STAG1: variants seen among roughly 807,000 people sequenced by gnomAD.
STAG1 encodes the protein STAG1 cohesin complex component.
Under a neutral mutation model 170.9 loss-of-function variants are expected in STAG1, and 26 were observed. That is an observed-to-expected ratio of 0.15 (90% CI 0.11 to 0.21). The LOEUF (loss-of-function observed/expected upper bound fraction) is 0.21, where lower values mean the gene tolerates loss of function less well. Ranked by LOEUF, STAG1 falls within the 10% of genes least tolerant of loss-of-function variation. The pLI, the probability that STAG1 is intolerant of heterozygous loss-of-function variation, is 1.00. For synonymous variants in STAG1, 514 were observed against 497.7 expected (o/e 1.03, Z -0.44); for missense variants, 964 against 1,509.5 (o/e 0.64, Z 5.99).
intron 21 of STAG1, among the ~76,000 whole-genome samples, chr3:136,404,039 C>T (rs1328469549): frequency 6.6e-6 from 1 of 152,222 alleles, no homozygotes; most frequent in Non-Finnish European, 1.5e-5. Context: ...TCAAGCTTCA[C>T]TCTTAGCCAT....
intron 1 of STAG1, among the ~76,000 whole-genome samples, chr3:136,751,866 C>T (rs1404789200): frequency 9.3e-5 from 14 of 150,732 alleles, no homozygotes; most frequent in Non-Finnish European, 2.1e-4. Flanking sequence ...AAGGCTTCCG[C>T]GCCTGTCGCC....
intron 3 of STAG1, among the ~76,000 whole-genome samples, chr3:136,617,950 T>C (rs1026257400): frequency 6.6e-6 from 1 of 152,240 alleles, no homozygotes; most frequent in Admixed American, 6.5e-5. Context: ...CTTACCCTTC[T>C]GGTACTCATT....
At chr3:136,512,175 G>A (rs1934102955) in intron 7 of STAG1, among the ~76,000 whole-genome samples, 1 of 150,858 alleles carries the variant, frequency 6.6e-6, no homozygotes, top group African/African-American at 2.4e-5. Flanking sequence ...AGGTGTGATG[G>A]CACATGCCTG....
At chr3:136,518,552 T>C (rs771192739) in intron 7 of STAG1, 7 of 599,046 alleles carry the variant, frequency 1.2e-5, no homozygotes, top group Non-Finnish European at 2.1e-5. Flanking sequence ...AATTAAGTTC[T>C]CAGCAAGCCC....
chr3:136,361,745 G>T (rs1936869754), intron 26 of STAG1, among the ~76,000 whole-genome samples: 1 of 151,934 alleles, frequency 6.6e-6, no homozygotes, highest in African/African-American at 2.4e-5. Flanking sequence ...CGAGTAGCTG[G>T]GACTACGGGG....
At chr3:136,551,902 G>A (rs994805277) in intron 5 of STAG1, among the ~76,000 whole-genome samples, 1 of 151,960 alleles carries the variant, frequency 6.6e-6, no homozygotes, top group Non-Finnish European at 1.5e-5. Context: ...GCCTACTTGA[G>A]AGAAAGACAT....
chr3:136,727,304 T>C (rs1933743486), intron 1 of STAG1, among the ~76,000 whole-genome samples: 1 of 152,124 alleles, frequency 6.6e-6, no homozygotes, highest in South Asian at 2.1e-4. Flanking sequence ...TCTATGTTTA[T>C]GATCATTTCC....
At chr3:136,350,838 G>A (rs1055870126) in intron 28 of STAG1, among the ~76,000 whole-genome samples, 18 of 152,154 alleles carry the variant, frequency 1.2e-4, no homozygotes, top group African/African-American at 3.9e-4. Context: ...CTGATGGAGT[G>A]AAAATGAGAG....
intron 20 of STAG1, 53 bp from the exon 21 acceptor site, chr3:136,418,025 A>G: frequency 7.2e-7 from 1 of 1,393,472 alleles, no homozygotes; most frequent in East Asian, 2.3e-5. Context: ...GGAAATTTAA[A>G]TTTGAGCTCA....
chr3:136,444,839 A>G (rs2088731018), intron 14 of STAG1, among the ~76,000 whole-genome samples: 1 of 152,182 alleles, frequency 6.6e-6, no homozygotes. Flanking sequence ...CTAACTCTAT[A>G]ATCACTCTTA....
At chr3:136,494,799 A>G (rs553019331) in intron 9 of STAG1, among the ~76,000 whole-genome samples, 14 of 152,364 alleles carry the variant, frequency 9.2e-5, no homozygotes, top group African/African-American at 3.4e-4. Flanking sequence ...TATCTACACA[A>G]AACTTAGTTA....
At chr3:136,392,526 G>A (rs928538412) in intron 22 of STAG1, among the ~76,000 whole-genome samples, 2 of 152,072 alleles carry the variant, frequency 1.3e-5, no homozygotes, top group African/African-American at 2.4e-5. Context: ...CAGCACTTCG[G>A]GAGGCTGAGG....
chr3:136,688,160 G>A (rs1942599693), intron 1 of STAG1, among the ~76,000 whole-genome samples: 1 of 152,132 alleles, frequency 6.6e-6, no homozygotes, highest in Non-Finnish European at 1.5e-5. Context: ...GTTTCAGTCA[G>A]GAGTGAGGGC....
At chr3:136,381,866 G>A (rs1306475852) in intron 22 of STAG1, among the ~76,000 whole-genome samples, 1 of 152,162 alleles carries the variant, frequency 6.6e-6, no homozygotes, top group Non-Finnish European at 1.5e-5. Flanking sequence ...AAGGTTCTAT[G>A]TTACTCTGAT....
At chr3:136,526,938 T>C (rs961979341) in intron 6 of STAG1, among the ~76,000 whole-genome samples, 7 of 152,256 alleles carry the variant, frequency 4.6e-5, no homozygotes, top group Non-Finnish European at 1.0e-4. Flanking sequence ...TCTTCTGGCT[T>C]GTACAGTTTC....
At chr3:136,565,042 A>AGGCAGGCAGGC (rs1937011712) in intron 5 of STAG1, among the ~76,000 whole-genome samples, 1 of 11,496 alleles carries the variant, frequency 8.7e-5, no homozygotes, top group African/African-American at 6.0e-4. Flanking sequence ...AGGCAGGCAG[A>AGGCAGGCAGGC]AGGGAGGGAG....
intron 6 of STAG1, among the ~76,000 whole-genome samples, chr3:136,522,531 G>GT (rs61552703): frequency 7.3e-5 from 11 of 151,556 alleles, no homozygotes; most frequent in Admixed American, 7.2e-4. Flanking sequence ...AGTTCCTCTT[G>GT]TTTTTTTCTT....
At chr3:136,617,356 C>T (rs761798708) in intron 3 of STAG1, among the ~76,000 whole-genome samples, 1 of 152,168 alleles carries the variant, frequency 6.6e-6, no homozygotes, top group Non-Finnish European at 1.5e-5. Flanking sequence ...GTTGGAAATG[C>T]TAAGTCAGTC....
In STAG1 at chr3:136,611,508, T is replaced by A. The variant is rs1284824975; in HGVS notation, c.133-7035A>T. ...GTTTTGACCTTTTTACTTTTTCTTT[T>A]TTTTTGAGACACAGTCTTACTCTGT... is the stretch of plus-strand genomic sequence containing the variant. On this transcript the variant is annotated intron_variant, in intron 3 of 33. Coordinates refer to ENST00000383202, the MANE Select transcript of STAG1 (RefSeq NM_005862.3). Among the ~76,000 whole-genome samples the A allele has an allele frequency of 8.6e-5, 13 of 151,954 alleles. 1 individual carries two copies. In the South Asian group the frequency reaches 2.5e-3, roughly 29 times the overall value.
Sources: allele counts gnomAD v4.1 joint callset (sites outside exome capture counted in the v4.1 genomes callset), GRCh38; gene constraint gnomAD v4.1.1; transcripts MANE v1.5; gene names NCBI Gene and HGNC (gene_info 2026-07-23, HGNC 2026-07-21).